The following PALD1 variants were observed in gnomAD, a reference collection of about 807,000 sequenced individuals.
PALD1 encodes phosphatase domain containing paladin 1, also known as paladin.
Under a neutral mutation model 96.0 loss-of-function variants are expected in PALD1, and 57 were observed. The observed-to-expected ratio is 0.59, with a 90% confidence interval of 0.48 to 0.74. PALD1 has a LOEUF of 0.74. Ranked by LOEUF, PALD1 falls within the 30% of genes least tolerant of loss-of-function variation. PALD1 has a pLI of 0.00. For synonymous variants in PALD1, 464 were observed against 473.6 expected (o/e 0.98, Z 0.26); for missense variants, 1,063 against 1,143.7 (o/e 0.93, Z 1.02).
chr10:70,491,295 C>G (rs1157246263), intron 1 of PALD1, among the ~76,000 whole-genome samples: 1 of 152,200 alleles, frequency 6.6e-6, no homozygotes, highest in Non-Finnish European at 1.5e-5. Flanking sequence ...ATGGGCTTTA[C>G]TCACTTCACA....
At chr10:70,536,975 G>A (rs1744245840) in intron 10 of PALD1, among the ~76,000 whole-genome samples, 1 of 152,206 alleles carries the variant, frequency 6.6e-6, no homozygotes, top group Non-Finnish European at 1.5e-5. Flanking sequence ...GCTGTCAGCT[G>A]TGTGACTTTA....
At chr10:70,533,610 G>A (rs1016977710) in intron 7 of PALD1, among the ~76,000 whole-genome samples, 1 of 152,246 alleles carries the variant, frequency 6.6e-6, no homozygotes, top group East Asian at 1.9e-4. Context: ...GAGTCCTGGC[G>A]GAGTTTCTCT....
chr10:70,499,193 G>C (rs1846249233), intron 1 of PALD1, among the ~76,000 whole-genome samples: 1 of 152,230 alleles, frequency 6.6e-6, no homozygotes, highest in Non-Finnish European at 1.5e-5. Flanking sequence ...TTGGATGCCA[G>C]TTCTGCCTGG....
At chr10:70,480,205 T>C (rs1845905094) in intron 1 of PALD1, among the ~76,000 whole-genome samples, 1 of 152,326 alleles carries the variant, frequency 6.6e-6, no homozygotes, top group Non-Finnish European at 1.5e-5. Context: ...CCAGGTTTGT[T>C]TGTTTCCTGC....
At chr10:70,494,701 G>A (rs1173527422) in intron 1 of PALD1, among the ~76,000 whole-genome samples, 2 of 152,236 alleles carry the variant, frequency 1.3e-5, no homozygotes, top group Non-Finnish European at 2.9e-5. Context: ...GGCTTGGTCT[G>A]TGTGAGGCAC....
At chr10:70,532,823 G>T in intron 6 of PALD1, 42 bp downstream of exon 6, 1 of 1,604,500 alleles carries the variant, frequency 6.2e-7, no homozygotes, top group Non-Finnish European at 8.5e-7. Context: ...GGGTGCTCCA[G>T]GTCCTGCTCT....
At chr10:70,514,743 G>C (rs1846586691) in intron 1 of PALD1, among the ~76,000 whole-genome samples, 1 of 152,182 alleles carries the variant, frequency 6.6e-6, no homozygotes, top group Admixed American at 6.5e-5. Context: ...TTATTGTCAG[G>C]GGAACACGCG....
At position 70,478,998 on chromosome 10, in the gene PALD1, A is replaced by G. The variant is rs1366717190; in HGVS notation, c.-91A>G. On this transcript the variant is annotated 5_prime_UTR_variant, in exon 1 of 20. Coordinates refer to ENST00000263563, the MANE Select transcript of PALD1 (RefSeq NM_014431.3). ...CGTCGCTGCCTGACTCGGCGCCCGC[A>G]GTTCGGGCGCAGCACGCCGGCCGCA... 2.6e-5 allele frequency: 4 copies of G among 151,956 alleles called. No homozygotes were observed. The highest frequency in any genetic ancestry group is 5.9e-5 in the Non-Finnish European group (4 of 68,004). 9.4% of individuals were successfully genotyped at this position (151,956 alleles called of 1,614,324 possible). A position where few individuals can be genotyped will look rare whatever the true frequency, so the allele number is the denominator to read the frequency against.
At chr10:70,535,465 CCCCACTT>C (rs1847092265) in intron 10 of PALD1, among the ~76,000 whole-genome samples, 1 of 115,724 alleles carries the variant, frequency 8.6e-6, no homozygotes, top group African/African-American at 3.3e-5. Context: ...TCTTCCTCTT[CCCCACTT>C]TTCCTCCTCT....
chr10:70,534,374 C>A, intron 8 of PALD1, 51 bp from the exon 9 acceptor site: 1 of 1,287,140 alleles, frequency 7.8e-7, no homozygotes, highest in Non-Finnish European at 1.1e-6. Context: ...GGCGGGTGGC[C>A]GTGTGAGACC....
intron 1 of PALD1, among the ~76,000 whole-genome samples, 200 bp from the exon 2 acceptor site, chr10:70,525,723 G>A (rs139787977): frequency 3.9e-5 from 6 of 152,190 alleles, no homozygotes; most frequent in South Asian, 4.2e-4. Flanking sequence ...CCAAAGCATC[G>A]GTAAAGGGCC....
At chr10:70,538,696 C>A (rs1847166075) in intron 12 of PALD1, among the ~76,000 whole-genome samples, 196 bp from the exon 13 acceptor site, 1 of 152,246 alleles carries the variant, frequency 6.6e-6, no homozygotes, top group Non-Finnish European at 1.5e-5. Flanking sequence ...TGAGCCTCAG[C>A]TTCCTGGTCC....
At chr10:70,486,376 C>A in intron 1 of PALD1, 1 of 153,594 alleles carries the variant, frequency 6.5e-6, no homozygotes, top group South Asian at 1.9e-4. Context: ...ACCCTTCATC[C>A]TGGGACCCCT....
the PALD1 span, among the ~76,000 whole-genome samples, chr10:70,462,510 T>C: frequency 6.6e-6 from 1 of 152,242 alleles, no homozygotes; most frequent in Non-Finnish European, 1.5e-5. Context: ...CTTTACCCCC[T>C]ACTGGAAGTC....
At chr10:70,516,410 G>A (rs575029905) in intron 1 of PALD1, among the ~76,000 whole-genome samples, 27 of 152,200 alleles carry the variant, frequency 1.8e-4, no homozygotes, top group Admixed American at 2.0e-4. Flanking sequence ...GTGAGCTATC[G>A]CTCCCAGCCT....
At chr10:70,543,060 C>A (rs1362991388) in intron 17 of PALD1, among the ~76,000 whole-genome samples, 1 of 126,800 alleles carries the variant, frequency 7.9e-6, no homozygotes, top group African/African-American at 3.2e-5. Flanking sequence ...TGTGCCCAGC[C>A]GTTTTTTTTT....
chr10:70,501,586 T>A (rs1013086383), intron 1 of PALD1, among the ~76,000 whole-genome samples: 2 of 152,220 alleles, frequency 1.3e-5, no homozygotes, highest in African/African-American at 4.8e-5. Flanking sequence ...TCAGGGTCCC[T>A]TGGGCTGTGA....
the PALD1 span, among the ~76,000 whole-genome samples, chr10:70,465,399 T>C: frequency 6.6e-5 from 10 of 152,282 alleles, no homozygotes; most frequent in South Asian, 1.9e-3. Context: ...CTCAGGCAGT[T>C]AGTGGCTGAC....
chr10:70,563,041 TAG>T (rs1444688415), intron 18 of PALD1, among the ~76,000 whole-genome samples: 4 of 151,874 alleles, frequency 2.6e-5, no homozygotes, highest in Non-Finnish European at 4.4e-5. Context: ...ACCTTAGCTA[TAG>T]AGAGTCACCC....
Sources: allele counts gnomAD v4.1 joint callset (sites outside exome capture counted in the v4.1 genomes callset), GRCh38; gene constraint gnomAD v4.1.1; transcripts MANE v1.5; gene names NCBI Gene and HGNC (gene_info 2026-07-23, HGNC 2026-07-21).